Variants in ADAMTSL1 observed in about 807,000 individuals in gnomAD.
The protein encoded by ADAMTSL1 is ADAMTS-like protein 1.
A neutral mutation model predicts 201.8 loss-of-function variants in ADAMTSL1; 126 were observed. The observed-to-expected ratio is 0.62, with a 90% CI of 0.54 to 0.72. ADAMTSL1 has a LOEUF of 0.72. Ranked by LOEUF, ADAMTSL1 falls within the 30% of genes least tolerant of loss-of-function variation. ADAMTSL1 has a pLI of 0.00. For missense variants in ADAMTSL1, 2,679 were observed against 2,277.8 expected, an observed-to-expected ratio of 1.18 and a Z score of -3.59; for synonymous variants, 1,121 against 903.4, an observed-to-expected ratio of 1.24 and a Z score of -4.32.
At chr9:18,300,616 A>C (rs1403881025) in intron 2 of ADAMTSL1, among the ~76,000 whole-genome samples, 2 of 152,206 alleles carry the variant, frequency 1.3e-5, no homozygotes, top group Non-Finnish European at 1.5e-5. Flanking sequence ...ATTAAAACAA[A>C]CAAACAACTC....
intron 2 of ADAMTSL1, among the ~76,000 whole-genome samples, chr9:18,507,891 A>G (rs1032663856): frequency 1.3e-5 from 2 of 152,180 alleles, no homozygotes; most frequent in African/African-American, 4.8e-5. Flanking sequence ...GTCCTCAATC[A>G]AAATTCAGTT....
chr9:18,063,651 A>G (rs1456300230), intron 1 of ADAMTSL1, among the ~76,000 whole-genome samples: 1 of 152,204 alleles, frequency 6.6e-6, no homozygotes, highest in African/African-American at 2.4e-5. Flanking sequence ...CCAGGATGGG[A>G]CAGTGATGCT....
intron 4 of ADAMTSL1, among the ~76,000 whole-genome samples, chr9:18,617,276 G>A (rs1481535289): frequency 6.6e-6 from 1 of 152,136 alleles, no homozygotes; most frequent in African/African-American, 2.4e-5. Flanking sequence ...TTAGCATGGT[G>A]ATCTTTCTTT....
intron 1 of ADAMTSL1, among the ~76,000 whole-genome samples, chr9:17,970,778 C>T (rs1378585705): frequency 6.6e-6 from 1 of 152,044 alleles, no homozygotes; most frequent in African/African-American, 2.4e-5. Flanking sequence ...CTCCTATCTT[C>T]ACACTTACTT....
At chr9:18,441,086 T>A (rs1012838154) in intron 2 of ADAMTSL1, among the ~76,000 whole-genome samples, 2 of 152,098 alleles carry the variant, frequency 1.3e-5, no homozygotes, top group Non-Finnish European at 2.9e-5. Context: ...CATATAATAT[T>A]ATTCCATTTG....
At chr9:18,424,233 A>C (rs1435068904) in intron 2 of ADAMTSL1, among the ~76,000 whole-genome samples, 2 of 152,330 alleles carry the variant, frequency 1.3e-5, no homozygotes, top group East Asian at 3.9e-4. Context: ...TGACCCTCTC[A>C]GCCAATAAAG....
intron 2 of ADAMTSL1, among the ~76,000 whole-genome samples, chr9:18,181,063 T>C (rs1828450412): frequency 6.6e-6 from 1 of 152,148 alleles, no homozygotes; most frequent in African/African-American, 2.4e-5. Flanking sequence ...TAAATGGTGC[T>C]GGGAAAACTG....
chr9:17,916,257 T>G (rs7041566), intron 1 of ADAMTSL1, among the ~76,000 whole-genome samples: 4,852 of 152,302 alleles, frequency 0.032, 135 homozygotes, highest in African/African-American at 0.08. Context: ...TTGCAAATAT[T>G]TTCTTCCAGT....
At chr9:18,454,681 G>A (rs1384450966) in intron 2 of ADAMTSL1, among the ~76,000 whole-genome samples, 1 of 152,002 alleles carries the variant, frequency 6.6e-6, no homozygotes, top group Non-Finnish European at 1.5e-5. Context: ...CATTATTTCT[G>A]GCCCTTAATT....
At chr9:18,155,572 A>G (rs1243335074) in intron 1 of ADAMTSL1, among the ~76,000 whole-genome samples, 1 of 152,028 alleles carries the variant, frequency 6.6e-6, no homozygotes, top group Non-Finnish European at 1.5e-5. Flanking sequence ...ATTTTTTTAT[A>G]TCATCAGTTA....
At chr9:18,525,860 C>G (rs543688478) in intron 2 of ADAMTSL1, among the ~76,000 whole-genome samples, 2 of 152,254 alleles carry the variant, frequency 1.3e-5, no homozygotes, top group South Asian at 2.1e-4. Flanking sequence ...AGCTTTACTT[C>G]CAACAATGTG....
At chr9:17,987,066 C>G (rs1159337993) in intron 1 of ADAMTSL1, among the ~76,000 whole-genome samples, 1 of 152,014 alleles carries the variant, frequency 6.6e-6, no homozygotes, top group Non-Finnish European at 1.5e-5. Context: ...TCCATGGTCT[C>G]TTTCATGGAC....
At chr9:18,530,119 A>G (rs981950038) in intron 2 of ADAMTSL1, among the ~76,000 whole-genome samples, 5 of 152,170 alleles carry the variant, frequency 3.3e-5, no homozygotes, top group African/African-American at 9.7e-5. Context: ...TATCTCTGTA[A>G]TAATCCCTTG....
At chr9:18,558,218 T>C (rs559995811) in intron 3 of ADAMTSL1, among the ~76,000 whole-genome samples, 37 of 152,252 alleles carry the variant, frequency 2.4e-4, no homozygotes, top group African/African-American at 7.9e-4. Context: ...GTCCATGTGT[T>C]CTCATTGTTC....
At chr9:18,282,597 G>A (rs1832831293) in intron 2 of ADAMTSL1, among the ~76,000 whole-genome samples, 1 of 152,172 alleles carries the variant, frequency 6.6e-6, no homozygotes, top group Non-Finnish European at 1.5e-5. Context: ...TATTCCATGT[G>A]CACTTGAAAA....
intron 2 of ADAMTSL1, among the ~76,000 whole-genome samples, chr9:18,338,097 T>C (rs1279674030): frequency 6.6e-6 from 1 of 152,184 alleles, no homozygotes; most frequent in East Asian, 1.9e-4. Context: ...CATGGTCTAC[T>C]ACCTCAACCG....
At chr9:18,572,283 G>GT (rs1310593374) in intron 3 of ADAMTSL1, among the ~76,000 whole-genome samples, 4 of 151,974 alleles carry the variant, frequency 2.6e-5, no homozygotes, top group Non-Finnish European at 5.9e-5. Flanking sequence ...AGTTTTGCTG[G>GT]TTGTAGGTAG....
chr9:18,760,992 G>C (rs1023101302), intron 16 of ADAMTSL1, among the ~76,000 whole-genome samples: 2 of 152,166 alleles, frequency 1.3e-5, no homozygotes, highest in Non-Finnish European at 2.9e-5. Context: ...AAATATCTGA[G>C]GCTTAGTAAC....
At chr9:17,962,398 T>C (rs1817791351) in intron 1 of ADAMTSL1, among the ~76,000 whole-genome samples, 1 of 152,212 alleles carries the variant, frequency 6.6e-6, no homozygotes, top group African/African-American at 2.4e-5. Context: ...TATCAAGCGT[T>C]ATTATGTGTC....
Sources: allele counts gnomAD v4.1 joint callset (sites outside exome capture counted in the v4.1 genomes callset), GRCh38; gene constraint gnomAD v4.1.1; transcripts MANE v1.5; gene names NCBI Gene and HGNC (gene_info 2026-07-23, HGNC 2026-07-21).